KALRN: variants seen among roughly 807,000 people sequenced by gnomAD.
KALRN encodes the protein kalirin.
A neutral mutation model predicts 353.7 loss-of-function variants in KALRN; 70 were observed. The ratio of observed to expected loss-of-function variants is 0.20; its 90% CI spans 0.16 to 0.24. The LOEUF (loss-of-function observed/expected upper bound fraction) is 0.24, where lower values mean the gene tolerates loss of function less well. Among genes scored for constraint, KALRN ranks in the 10% least tolerant of loss-of-function variants. The probability of loss-of-function intolerance (pLI) is 1.00; values close to 1 mark genes in which losing one functional copy is unlikely to be tolerated. For synonymous variants in KALRN, 1,391 were observed against 1,434.8 expected, an observed-to-expected ratio of 0.97 and a Z score of 0.69; for missense variants, 2,791 against 3,756.7, an observed-to-expected ratio of 0.74 and a Z score of 6.72.
At chr3:124,517,030 T>A (rs2066675169) in intron 33 of KALRN, among the ~76,000 whole-genome samples, 1 of 152,066 alleles carries the variant, frequency 6.6e-6, no homozygotes, top group Non-Finnish European at 1.5e-5. Flanking sequence ...GTTGGCCAGG[T>A]TAGTCTCGAA....
At chr3:124,150,844 G>A (rs1452478656) in intron 1 of KALRN, among the ~76,000 whole-genome samples, 2 of 152,116 alleles carry the variant, frequency 1.3e-5, no homozygotes, top group South Asian at 2.1e-4. Context: ...TAGAACATTA[G>A]CCCCTGCAGG....
chr3:124,085,177 G>C (rs2060746062), intron 1 of KALRN, among the ~76,000 whole-genome samples: 1 of 152,242 alleles, frequency 6.6e-6, no homozygotes, highest in Non-Finnish European at 1.5e-5. Context: ...TTGAAAGCTA[G>C]TGTATCACAG....
intron 53 of KALRN, among the ~76,000 whole-genome samples, chr3:124,694,756 C>T (rs142506747): frequency 2.0e-5 from 3 of 152,214 alleles, no homozygotes; most frequent in South Asian, 2.1e-4. Flanking sequence ...ACATTTCCCA[C>T]GGTGCTCAGC....
intron 15 of KALRN, among the ~76,000 whole-genome samples, chr3:124,423,766 G>A (rs1255465732): frequency 6.6e-6 from 1 of 152,234 alleles, no homozygotes; most frequent in Non-Finnish European, 1.5e-5. Context: ...AGCTAATTGG[G>A]AGGCTAAGGA....
intron 1 of KALRN, among the ~76,000 whole-genome samples, chr3:124,203,023 A>G (rs1433309528): frequency 1.3e-5 from 2 of 152,050 alleles, no homozygotes; most frequent in Non-Finnish European, 2.9e-5. Flanking sequence ...AAGTTCCATT[A>G]ATGTTTTATG....
chr3:124,335,861 A>C (rs2081083928), intron 9 of KALRN, among the ~76,000 whole-genome samples: 1 of 152,234 alleles, frequency 6.6e-6, no homozygotes, highest in Non-Finnish European at 1.5e-5. Flanking sequence ...ACTGTATTAT[A>C]TAATACAATG....
At chr3:124,215,436 T>C (rs2077239806) in intron 1 of KALRN, among the ~76,000 whole-genome samples, 1 of 152,176 alleles carries the variant, frequency 6.6e-6, no homozygotes, top group Non-Finnish European at 1.5e-5. Context: ...ATTCACTTGC[T>C]CACTCATTCA....
chr3:124,264,825 G>A (rs917881364), intron 4 of KALRN, 135 bp downstream of exon 4: 13 of 756,484 alleles, frequency 1.7e-5, no homozygotes, highest in East Asian at 8.1e-5. Context: ...TTCCTTGGCC[G>A]CCATGGCCTT....
In KALRN at chr3:124,699,840, T is replaced by C. The variant is rs955226743; in HGVS notation, c.7832-29T>C. On this transcript the variant is annotated intron_variant, in intron 55 of 59. Transcript: ENST00000682506. ...AAACAATATCCCTTTGGCTTTTCTCTTTCCCTCTCCTGGGAAACTGTACAC... is the reference window on the plus strand; with the variant it reads ...AAACAATATCCCTTTGGCTTTTCTCCTTCCCTCTCCTGGGAAACTGTACAC... 4 of 1,612,290 alleles carry C rather than the reference T, an allele frequency of 2.5e-6. No individual in the cohort carries two copies. The Admixed American group carries it at 6.7e-5, about 27-fold the overall frequency.
chr3:124,495,083 G>A (rs2063561640), intron 32 of KALRN, among the ~76,000 whole-genome samples: 1 of 152,154 alleles, frequency 6.6e-6, no homozygotes, highest in Non-Finnish European at 1.5e-5. Flanking sequence ...TTCTACAGCT[G>A]GAGAGCTGAA....
chr3:124,066,400 T>C (rs538560667), intron 1 of KALRN, among the ~76,000 whole-genome samples: 51 of 152,180 alleles, frequency 3.4e-4, no homozygotes, highest in Admixed American at 9.2e-4. Context: ...TGAAAATGGG[T>C]TCATTAGATG....
intron 34 of KALRN, among the ~76,000 whole-genome samples, chr3:124,610,644 G>A (rs333331): frequency 0.16 from 24,729 of 151,644 alleles, 4,800 homozygotes; most frequent in African/African-American, 0.45. Context: ...TGGGGGGGGC[G>A]GCTATCCCTC....
intron 1 of KALRN, among the ~76,000 whole-genome samples, chr3:124,041,625 G>A (rs1577475825): frequency 6.6e-6 from 1 of 152,184 alleles, no homozygotes; most frequent in East Asian, 1.9e-4. Context: ...GGGGCACGTG[G>A]CTCGATCCAT....
At chr3:124,057,622 C>G (rs1486884855) in intron 1 of KALRN, among the ~76,000 whole-genome samples, 1 of 151,998 alleles carries the variant, frequency 6.6e-6, no homozygotes, top group Non-Finnish European at 1.5e-5. Context: ...GTGCGCGTGC[C>G]AAACTCCCAA....
At chr3:124,213,627 C>T (rs1279890913) in intron 1 of KALRN, among the ~76,000 whole-genome samples, 1 of 152,036 alleles carries the variant, frequency 6.6e-6, no homozygotes, top group Admixed American at 6.5e-5. Flanking sequence ...TAATGTTTAG[C>T]TTTTTAATCC....
chr3:124,529,430 A>C (rs2067859565), intron 33 of KALRN, among the ~76,000 whole-genome samples: 2 of 152,188 alleles, frequency 1.3e-5, no homozygotes, highest in South Asian at 4.1e-4. Flanking sequence ...ATAATGCAAG[A>C]GTGGAAGACA....
chr3:124,594,278 T>A (rs1441372103), intron 34 of KALRN, among the ~76,000 whole-genome samples: 1 of 152,186 alleles, frequency 6.6e-6, no homozygotes, highest in Non-Finnish European at 1.5e-5. Flanking sequence ...CAGGCTGGAG[T>A]GCAGTGGCGC....
chr3:124,683,347 G>A (rs1290366318), intron 51 of KALRN, among the ~76,000 whole-genome samples: 1 of 152,098 alleles, frequency 6.6e-6, no homozygotes, highest in Non-Finnish European at 1.5e-5. Context: ...CCTATACTAG[G>A]TTTTTCTTAG....
chr3:124,072,877 G>C (rs1381457879), intron 1 of KALRN, among the ~76,000 whole-genome samples: 2 of 152,214 alleles, frequency 1.3e-5, no homozygotes, highest in African/African-American at 4.8e-5. Flanking sequence ...AGCTGGTGGT[G>C]CCCATTCAGA....
Sources: allele counts gnomAD v4.1 joint callset (sites outside exome capture counted in the v4.1 genomes callset), GRCh38; gene constraint gnomAD v4.1.1; transcripts MANE v1.5; gene names NCBI Gene and HGNC (gene_info 2026-07-23, HGNC 2026-07-21).